NFIX: variants seen among roughly 807,000 people sequenced by gnomAD.
NFIX encodes the protein nuclear factor 1 X-type.
In NFIX, 2 loss-of-function variants were observed where a neutral mutation model predicts 53.3. The observed-to-expected ratio is 0.04, with a 90% CI of 0.02 to 0.12. The LOEUF (loss-of-function observed/expected upper bound fraction) is 0.12. Ranked by LOEUF, NFIX falls within the 10% of genes least tolerant of loss-of-function variation. NFIX has a pLI of 1.00. For synonymous variants in NFIX, 244 were observed against 289.0 expected (o/e 0.84, Z 1.58); for missense variants, 310 against 674.5 (o/e 0.46, Z 5.99).
At chr19:13,017,790 C>T (rs1159001934) in intron 1 of NFIX, among the ~76,000 whole-genome samples, 1 of 152,248 alleles carries the variant, frequency 6.6e-6, no homozygotes, top group Non-Finnish European at 1.5e-5. Context: ...TCTCTCTTTG[C>T]CTTGCCTTTT....
At chr19:13,008,725 C>T (rs958982152) in intron 1 of NFIX, among the ~76,000 whole-genome samples, 5 of 152,210 alleles carry the variant, frequency 3.3e-5, no homozygotes, top group Non-Finnish European at 5.9e-5. Flanking sequence ...GTCCTCCATG[C>T]TCTGAGCCCC....
intron 1 of NFIX, among the ~76,000 whole-genome samples, chr19:13,016,793 G>C: frequency 6.6e-6 from 1 of 152,020 alleles, no homozygotes; most frequent in East Asian, 1.9e-4. Context: ...GCTCAGGCCA[G>C]CAATGAGGGG....
chr19:13,085,661 T>C (rs1219826585), intron 8 of NFIX, among the ~76,000 whole-genome samples: 2 of 152,224 alleles, frequency 1.3e-5, no homozygotes. Flanking sequence ...TGTTTGCTTT[T>C]GTCAAGGGCC....
Position 13,059,820 on chromosome 19 carries a change from GT to G in NFIX, c.560-13226del, listed in dbSNP as rs1477732959. Among the ~76,000 whole-genome samples, 4 of 110,748 alleles carry G rather than the reference GT, an allele frequency of 3.6e-5. No individual in the cohort carries two copies. In the South Asian group the frequency reaches 1.2e-3, roughly 35 times the overall value. 72.7% of individuals were successfully genotyped at this position (110,748 alleles called of 152,430 possible). ...TTTTTTTGAGACGGAGTCTCACTCT[GT>G]ATCCCAAGCTGGAGTGCAGTGGTGC... On this transcript the variant is annotated intron_variant, in intron 2 of 10. Transcript: ENST00000592199.
chr19:13,087,934 C>T (rs1026287196), intron 8 of NFIX, 55 bp from the exon 9 acceptor site: 14 of 1,531,952 alleles, frequency 9.1e-6, no homozygotes, highest in African/African-American at 4.1e-5. Context: ...CGCAGGGGAG[C>T]GTGTGTCTGT....
At position 13,025,335 on chromosome 19, in the gene NFIX, C is replaced by T; in HGVS notation, c.342C>T (p.Ile114=). The T allele has an allele frequency of 6.2e-7, 1 of 1,614,128 alleles. No individual in the cohort carries two copies. The highest frequency in any genetic ancestry group is 8.5e-7 in the Non-Finnish European group (1 of 1,179,952). ...VLSNPDQKGK[I]RRIDCLRQAD... is the part of the protein sequence containing the mutation. ...CCAACCCCGACCAGAAGGGCAAGAT[C>T]CGGCGGATTGACTGCCTGCGCCAGG... The change falls in exon 2 of 11, where the codon ATC becomes ATT. Residue 114 remains isoleucine, a synonymous_variant. Coordinates refer to ENST00000592199, the MANE Select transcript of NFIX (RefSeq NM_001365902.3). This position sits in a 1 kb window ranked among gnomAD's most constrained non-coding sequence, Gnocchi z 7.5.
At position 13,022,955 on chromosome 19, in the gene NFIX, A is replaced by G. The variant is rs1274473303; in HGVS notation, c.28-2066A>G. Among the ~76,000 whole-genome samples, 1 of 151,938 alleles carries G rather than the reference A, an allele frequency of 6.6e-6. No individual in the cohort carries two copies. Among genetic ancestry groups the G allele is most frequent in the Non-Finnish European group, 1.5e-5 (1 of 67,958 alleles). ...TTGGGCAAATTGTTTTTGGTCTCCA[A>G]CTGCCGGGGGCTCTCCCCACCCTCC... On this transcript the variant is annotated intron_variant, in intron 1 of 10. Coordinates refer to ENST00000592199, the MANE Select transcript of NFIX (RefSeq NM_001365902.3). The surrounding 1 kb of genome is among the most constrained non-coding windows in gnomAD (Gnocchi z 4.5).
At chr19:13,030,342 AC>A (rs903615001) in intron 2 of NFIX, among the ~76,000 whole-genome samples, 1 of 152,146 alleles carries the variant, frequency 6.6e-6, no homozygotes, top group African/African-American at 2.4e-5. Context: ...CAGGGATTAA[AC>A]CAGCTAATAT....
rs143647825 is a variant in NFIX, at chr19:13,016,243, G to A, written c.28-8778G>A. ...AAAATTTAAATAAAAATTTCCTCCA[G>A]CCTGCTTTGCTTAGTCCTTCCTGCT... On this transcript the variant is annotated intron_variant, in intron 1 of 10. Transcript: ENST00000592199. 2.6e-4 allele frequency among the ~76,000 whole-genome samples: 40 copies of A among 152,236 alleles called. No individual in the cohort carries two copies. In the East Asian group the frequency reaches 7.5e-3, roughly 29 times the overall value.
At position 13,051,153 on chromosome 19, in the gene NFIX, C is replaced by T. The variant is rs117377994; in HGVS notation, c.560-21894C>T. Among the ~76,000 whole-genome samples, 8 of 152,294 alleles carry T rather than the reference C, an allele frequency of 5.3e-5. No individual in the cohort carries two copies. The East Asian group carries it at 1.5e-3, about 29-fold the overall frequency. The stretch of plus-strand genomic sequence containing the variant: ...TTGGGTACTGTGCTGCAGATCTCAT[C>T]GCTGAAGGTGTGGCTAAGGCTGTCC... On this transcript the variant is annotated intron_variant, in intron 2 of 10. Transcript: ENST00000592199. The surrounding 1 kb of genome is among the most constrained non-coding windows in gnomAD (Gnocchi z 5.1).
rs977589397 is a variant in NFIX, at chr19:13,043,891, G to A, written c.559+18339G>A. On this transcript the variant is annotated intron_variant, in intron 2 of 10. Coordinates refer to ENST00000592199, the MANE Select transcript of NFIX (RefSeq NM_001365902.3). The surrounding 1 kb of genome is among the most constrained non-coding windows in gnomAD (Gnocchi z 4.0). ...TGTAATTCTAGCACTTTGGGAGGCCGATGTGGGAGGATCATTTGAGCCCAG... is the reference window on the plus strand; with the variant it reads ...TGTAATTCTAGCACTTTGGGAGGCCAATGTGGGAGGATCATTTGAGCCCAG... Among the ~76,000 whole-genome samples, 1 of 152,128 alleles carries A rather than the reference G, an allele frequency of 6.6e-6. No homozygotes were observed. The highest frequency in any genetic ancestry group is 1.5e-5 in the Non-Finnish European group (1 of 68,020).
At chr19:12,997,146 C>T (rs986917043) in intron 1 of NFIX, among the ~76,000 whole-genome samples, 1 of 152,260 alleles carries the variant, frequency 6.6e-6, no homozygotes, top group African/African-American at 2.4e-5. Context: ...CAGTGGCAGT[C>T]CACATGGGTA....
chr19:13,010,194 C>T (rs958589672), intron 1 of NFIX, among the ~76,000 whole-genome samples: 3 of 152,236 alleles, frequency 2.0e-5, no homozygotes, highest in Non-Finnish European at 2.9e-5. Context: ...CTTGGCCTGC[C>T]GGGCGGGCGG....
chr19:13,022,647 C>T lies in NFIX; in HGVS notation c.28-2374C>T, dbSNP rs566574837. Among the ~76,000 whole-genome samples, 1 of 151,888 alleles carries T rather than the reference C, an allele frequency of 6.6e-6. No homozygotes were observed. Among genetic ancestry groups the T allele is most frequent in the Non-Finnish European group, 1.5e-5 (1 of 67,944 alleles). On this transcript the variant is annotated intron_variant, in intron 1 of 10. Transcript: ENST00000592199. This position sits in a 1 kb window ranked among gnomAD's most constrained non-coding sequence, Gnocchi z 4.5. ...AACAGAAAAAGAGAGTGTGCAGGCC[C>T]GAGAGAAAGACTGAAACCAAAACAC...
Position 13,049,857 on chromosome 19 carries a change from G to A in NFIX, c.560-23190G>A, listed in dbSNP as rs2015221421. Among the ~76,000 whole-genome samples the A allele has an allele frequency of 1.3e-5, 2 of 152,188 alleles. No individual in the cohort carries two copies. The highest frequency in any genetic ancestry group is 1.3e-4 in the Admixed American group (2 of 15,284). On this transcript the variant is annotated intron_variant, in intron 2 of 10. Coordinates refer to ENST00000592199, the MANE Select transcript of NFIX (RefSeq NM_001365902.3). The surrounding 1 kb of genome is among the most constrained non-coding windows in gnomAD (Gnocchi z 4.5). The stretch of plus-strand genomic sequence containing the variant: ...TCCGCTCACCTCGGCCTCCCAAAGT[G>A]TTGGGATTACAGGCGAGAGCCACTG...
Position 13,068,806 on chromosome 19 carries a change from A to G in NFIX, c.560-4241A>G, listed in dbSNP as rs1239659502. On this transcript the variant is annotated intron_variant, in intron 2 of 10. Transcript: ENST00000592199. This position sits in a 1 kb window ranked among gnomAD's most constrained non-coding sequence, Gnocchi z 4.2. ...CAGGGGAGGCCTCTGCCTCAGAGAC[A>G]TGGATCTCACGAGTAGCCCAGGTCC... 6.6e-6 allele frequency among the ~76,000 whole-genome samples: 1 copy of G among 152,214 alleles called. No homozygotes were observed. The highest frequency in any genetic ancestry group is 1.5e-5 in the Non-Finnish European group (1 of 68,024).
intron 2 of NFIX, among the ~76,000 whole-genome samples, chr19:13,026,018 G>A (rs759916150): frequency 6.6e-6 from 1 of 152,194 alleles, no homozygotes; most frequent in Non-Finnish European, 1.5e-5. Context: ...GGTACAAGCG[G>A]GATGGGCAGG....
At chr19:13,075,463 G>A in intron 5 of NFIX, 72 bp from the exon 6 acceptor site, 1 of 1,554,406 alleles carries the variant, frequency 6.4e-7, no homozygotes. Context: ...CAGTTCTTTA[G>A]CCTGGACTCT....
intron 8 of NFIX, among the ~76,000 whole-genome samples, chr19:13,083,555 A>G (rs1354407111): frequency 6.6e-6 from 1 of 152,134 alleles, no homozygotes; most frequent in Non-Finnish European, 1.5e-5. Flanking sequence ...CATAGTTTTT[A>G]AAAAAACGAC....
Sources: allele counts gnomAD v4.1 joint callset (sites outside exome capture counted in the v4.1 genomes callset), GRCh38; gene constraint gnomAD v4.1.1; non-coding constraint Gnocchi (gnomAD v3.1); transcripts MANE v1.5; gene names NCBI Gene and HGNC (gene_info 2026-07-23, HGNC 2026-07-21).